EXOC4: variants seen among roughly 807,000 people sequenced by gnomAD.
The protein encoded by EXOC4 is SEC8-like 1.
EXOC4 carries 71 observed loss-of-function variants against 107.2 expected under a neutral mutation model. That is an observed-to-expected ratio of 0.66 (90% CI 0.55 to 0.81). The LOEUF (loss-of-function observed/expected upper bound fraction) is 0.81. Among genes scored for constraint, EXOC4 ranks in the 30% least tolerant of loss-of-function variants. The pLI is 0.00. For synonymous variants in EXOC4, 456 were observed against 441.2 expected, an observed-to-expected ratio of 1.03 and a Z score of -0.42; for missense variants, 1,108 against 1,189.6, an observed-to-expected ratio of 0.93 and a Z score of 1.01.
intron 9 of EXOC4, among the ~76,000 whole-genome samples, chr7:133,585,977 G>A (rs1801394712): frequency 6.6e-6 from 1 of 152,134 alleles, no homozygotes; most frequent in South Asian, 2.1e-4. Context: ...TTACACGTGT[G>A]AACCACCACA....
intron 7 of EXOC4, among the ~76,000 whole-genome samples, chr7:133,457,265 T>C (rs1798484907): frequency 6.6e-6 from 1 of 152,146 alleles, no homozygotes; most frequent in African/African-American, 2.4e-5. Flanking sequence ...GTGGTGTATG[T>C]TGTGGTGGTA....
chr7:133,453,416 T>G (rs1430468932), intron 7 of EXOC4, among the ~76,000 whole-genome samples: 2 of 152,202 alleles, frequency 1.3e-5, no homozygotes, highest in African/African-American at 4.8e-5. Context: ...ATTTTCTCTC[T>G]ATATTTGCTC....
At chr7:133,521,868 CTCGGTCTCCCAAAG>C (rs1283598916) in intron 9 of EXOC4, among the ~76,000 whole-genome samples, 2 of 152,092 alleles carry the variant, frequency 1.3e-5, no homozygotes, top group Admixed American at 6.5e-5. Flanking sequence ...ATCCGCCTGC[CTCGGTCTCCCAAAG>C]TGCTGGGATT....
At chr7:133,371,272 C>T (rs1796370773) in intron 6 of EXOC4, among the ~76,000 whole-genome samples, 1 of 152,140 alleles carries the variant, frequency 6.6e-6, no homozygotes, top group African/African-American at 2.4e-5. Flanking sequence ...GCACGATTCA[C>T]CTATTGAAAG....
intron 7 of EXOC4, among the ~76,000 whole-genome samples, chr7:133,426,488 A>G (rs1176456761): frequency 6.6e-6 from 1 of 152,350 alleles, no homozygotes; most frequent in Non-Finnish European, 1.5e-5. Context: ...GGATAATAAT[A>G]GTATCTGTTT....
chr7:133,706,729 A>G (rs890336639), intron 10 of EXOC4, among the ~76,000 whole-genome samples: 2 of 152,202 alleles, frequency 1.3e-5, no homozygotes, highest in Non-Finnish European at 2.9e-5. Context: ...GCACACCTCC[A>G]TTTGGACTAG....
At chr7:133,476,196 A>G (rs1206292345) in intron 8 of EXOC4, among the ~76,000 whole-genome samples, 3 of 152,212 alleles carry the variant, frequency 2.0e-5, no homozygotes, top group Non-Finnish European at 4.4e-5. Flanking sequence ...TAATCAAGGC[A>G]TTAAATTATT....
chr7:133,897,719 T>C (rs1406728219), intron 12 of EXOC4, among the ~76,000 whole-genome samples: 2 of 144,606 alleles, frequency 1.4e-5, no homozygotes, highest in Non-Finnish European at 3.0e-5. Flanking sequence ...TTTAAAATTT[T>C]TAATTGACAA....
chr7:133,262,031 G>A (rs1482437326), intron 1 of EXOC4, among the ~76,000 whole-genome samples: 9 of 152,094 alleles, frequency 5.9e-5, no homozygotes, highest in Non-Finnish European at 1.5e-5. Flanking sequence ...ACCTTAATAT[G>A]CAGTGTTTTG....
At chr7:133,625,735 G>A (rs766737410) in intron 9 of EXOC4, among the ~76,000 whole-genome samples, 12 of 152,230 alleles carry the variant, frequency 7.9e-5, no homozygotes, top group East Asian at 3.9e-4. Flanking sequence ...TCAAATCATC[G>A]TCCTTGTAAT....
At chr7:133,474,710 C>A (rs1798967650) in intron 7 of EXOC4, among the ~76,000 whole-genome samples, 1 of 152,062 alleles carries the variant, frequency 6.6e-6, no homozygotes, top group Admixed American at 6.6e-5. Flanking sequence ...GACTTCGTAG[C>A]TTCCTGTGGC....
chr7:133,875,614 C>T (rs1324735718), intron 11 of EXOC4, among the ~76,000 whole-genome samples: 1 of 152,172 alleles, frequency 6.6e-6, no homozygotes, highest in Non-Finnish European at 1.5e-5. Context: ...GTCCAGTCTT[C>T]ACTTCCTGTC....
At chr7:133,394,628 A>G (rs1255965047) in intron 7 of EXOC4, among the ~76,000 whole-genome samples, 1 of 152,082 alleles carries the variant, frequency 6.6e-6, no homozygotes, top group Non-Finnish European at 1.5e-5. Context: ...TTTTATTACA[A>G]CTCCTGACCT....
chr7:134,069,372 T>A (rs2116662457), downstream of EXOC4, among the ~76,000 whole-genome samples: 1 of 138,424 alleles, frequency 7.2e-6, no homozygotes, highest in East Asian at 2.5e-4. Context: ...CTCCTCCCTC[T>A]TCTCCTCCTT....
intron 10 of EXOC4, among the ~76,000 whole-genome samples, chr7:133,687,379 A>G (rs988506197): frequency 2.0e-5 from 3 of 151,906 alleles, no homozygotes; most frequent in Non-Finnish European, 4.4e-5. Flanking sequence ...ACCAAATACC[A>G]CCTGTTCCCT....
intron 5 of EXOC4, among the ~76,000 whole-genome samples, chr7:133,330,855 G>A (rs893561771): frequency 1.3e-5 from 2 of 151,954 alleles, no homozygotes; most frequent in Non-Finnish European, 2.9e-5. Context: ...CTTCTTCTGC[G>A]TCGATCTCAC....
chr7:133,841,043 G>C (rs1290323570), intron 11 of EXOC4, among the ~76,000 whole-genome samples: 3 of 152,132 alleles, frequency 2.0e-5, no homozygotes, highest in Non-Finnish European at 4.4e-5. Context: ...AATTCTCACT[G>C]TTCTGGAGGT....
intron 10 of EXOC4, among the ~76,000 whole-genome samples, chr7:133,806,409 GTATC>G: frequency 1.3e-5 from 2 of 152,310 alleles, no homozygotes; most frequent in South Asian, 4.1e-4. Context: ...TCATTTGAAA[GTATC>G]TATCAAGTGA....
intron 10 of EXOC4, among the ~76,000 whole-genome samples, chr7:133,738,666 A>C (rs1298542777): frequency 1.3e-5 from 2 of 152,212 alleles, no homozygotes; most frequent in African/African-American, 2.4e-5. Flanking sequence ...TTTAGGGAAT[A>C]TGATTTAAAA....
Sources: gnomAD v4.1 joint callset for allele counts (sites outside exome capture counted in the v4.1 genomes callset) on GRCh38, gnomAD v4.1.1 for gene constraint, MANE v1.5 for transcripts, NCBI Gene and HGNC (gene_info 2026-07-23, HGNC 2026-07-21) for gene names.